The following RNLS variants were observed in gnomAD, a reference collection of about 807,000 sequenced individuals.
The protein encoded by RNLS is renalase, FAD dependent amine oxidase.
In RNLS, 39 loss-of-function variants were observed where a neutral mutation model predicts 39.8. The observed-to-expected ratio is 0.98, with a 90% confidence interval of 0.76 to 1.28. RNLS has a LOEUF of 1.28. Ranked by LOEUF, RNLS falls within the 50% of genes most tolerant of loss-of-function variation. The probability of loss-of-function intolerance (pLI) is 0.00; values close to 1 mark genes in which losing one functional copy is unlikely to be tolerated. For synonymous variants in RNLS, 147 were observed against 150.7 expected (o/e 0.98, Z 0.18); for missense variants, 410 against 413.3 (o/e 0.99, Z 0.07).
At chr10:88,291,905 C>T (rs1251866855) in intron 6 of RNLS, among the ~76,000 whole-genome samples, 2 of 152,078 alleles carry the variant, frequency 1.3e-5, no homozygotes, top group Non-Finnish European at 2.9e-5. Context: ...CACACAGGTG[C>T]TTTGGCTGCT....
At chr10:88,506,784 A>G (rs1408501188) in intron 4 of RNLS, among the ~76,000 whole-genome samples, 2 of 152,234 alleles carry the variant, frequency 1.3e-5, no homozygotes, top group South Asian at 4.1e-4. Context: ...TAAAAAACCA[A>G]AAAGTCAGAA....
At chr10:88,363,491 C>A (rs1849798083) in intron 4 of RNLS, among the ~76,000 whole-genome samples, 1 of 152,024 alleles carries the variant, frequency 6.6e-6, no homozygotes, top group Non-Finnish European at 1.5e-5. Context: ...ATTTGTTTGC[C>A]TGTCATTTTT....
In RNLS at chr10:88,284,182, C is replaced by T. The variant is rs1843123698; in HGVS notation, c.*1172G>A. 1 of 985,250 alleles carries T rather than the reference C, an allele frequency of 1.0e-6. No individual in the cohort carries two copies. The highest frequency in any genetic ancestry group is 4.7e-5 in the South Asian group (1 of 21,272). 61.0% of individuals were successfully genotyped at this position (985,250 alleles called of 1,614,324 possible). On this transcript the variant is annotated 3_prime_UTR_variant, in exon 7 of 7. Coordinates refer to ENST00000331772, the MANE Select transcript of RNLS (RefSeq NM_001031709.3). Reference sequence around the variant, plus strand: ...CTATAGGGTCATAAAACCCACTTTGCAGCTATAGAAGCAAGTTCTGCCTGT... The same window carrying T: ...CTATAGGGTCATAAAACCCACTTTGTAGCTATAGAAGCAAGTTCTGCCTGT...
chr10:88,335,411 G>T (rs1847416524), intron 5 of RNLS, among the ~76,000 whole-genome samples: 1 of 151,676 alleles, frequency 6.6e-6, no homozygotes, highest in Admixed American at 6.6e-5. Context: ...TAGAGATGGG[G>T]GTCTTGCTCT....
chr10:88,470,366 T>G (rs1274589910), intron 4 of RNLS, among the ~76,000 whole-genome samples: 3 of 152,148 alleles, frequency 2.0e-5, no homozygotes, highest in Admixed American at 1.3e-4. Flanking sequence ...TCAACCTAAA[T>G]GCCCATCAAT....
At chr10:88,385,512 G>A (rs1243074376) in intron 4 of RNLS, among the ~76,000 whole-genome samples, 1 of 152,174 alleles carries the variant, frequency 6.6e-6, no homozygotes, top group Non-Finnish European at 1.5e-5. Context: ...GAATAGCCAA[G>A]GCACAGAATT....
At chr10:88,552,373 A>G (rs922331667) in intron 4 of RNLS, among the ~76,000 whole-genome samples, 1 of 152,196 alleles carries the variant, frequency 6.6e-6, no homozygotes, top group African/African-American at 2.4e-5. Context: ...AGGTCTCATT[A>G]AAGGATGGAA....
intron 4 of RNLS, among the ~76,000 whole-genome samples, chr10:88,472,217 AAGG>A (rs1241946220): frequency 1.3e-5 from 2 of 152,164 alleles, no homozygotes; most frequent in Non-Finnish European, 2.9e-5. Flanking sequence ...AAGCAGTGAG[AAGG>A]AGGTGTATAA....
At chr10:88,397,247 G>C (rs1323926358) in intron 4 of RNLS, among the ~76,000 whole-genome samples, 1 of 151,738 alleles carries the variant, frequency 6.6e-6, no homozygotes, top group African/African-American at 2.4e-5. Context: ...AAATTTAAAA[G>C]AATTAAAATG....
intron 4 of RNLS, among the ~76,000 whole-genome samples, chr10:88,392,943 T>C (rs1852298971): frequency 6.6e-6 from 1 of 152,180 alleles, no homozygotes; most frequent in South Asian, 2.1e-4. Flanking sequence ...AACCACATGA[T>C]TATCTCAATA....
intron 4 of RNLS, among the ~76,000 whole-genome samples, chr10:88,554,083 T>C (rs1250682216): frequency 6.6e-6 from 1 of 151,986 alleles, no homozygotes; most frequent in Non-Finnish European, 1.5e-5. Context: ...CAGTTTTACA[T>C]ACTTCGCCCA....
intron 5 of RNLS, among the ~76,000 whole-genome samples, chr10:88,353,742 C>G (rs1475825374): frequency 6.6e-6 from 1 of 152,174 alleles, no homozygotes; most frequent in Non-Finnish European, 1.5e-5. Context: ...GGGTGCAGAT[C>G]TGAATTCAAT....
chr10:88,419,854 C>CA (rs982081526), intron 4 of RNLS, among the ~76,000 whole-genome samples: 5 of 151,558 alleles, frequency 3.3e-5, no homozygotes, highest in African/African-American at 9.7e-5. Flanking sequence ...AAAAAAAGTA[C>CA]AAAAAATTAG....
chr10:88,301,026 G>A (rs1052986793), intron 6 of RNLS, among the ~76,000 whole-genome samples: 16 of 152,242 alleles, frequency 1.1e-4, no homozygotes, highest in Non-Finnish European at 5.9e-5. Flanking sequence ...CAGTGCCAAT[G>A]ACACAGACTC....
At chr10:88,355,457 G>C (rs1269321904) in intron 5 of RNLS, among the ~76,000 whole-genome samples, 1 of 152,188 alleles carries the variant, frequency 6.6e-6, no homozygotes, top group Non-Finnish European at 1.5e-5. Context: ...CTGCAGGTCT[G>C]TTGGAGTTTT....
chr10:88,187,149 TATATATATA>T, the RNLS span, among the ~76,000 whole-genome samples: 7 of 136,672 alleles, frequency 5.1e-5, 1 homozygote, highest in South Asian at 4.5e-4. Context: ...TCAAAAAATA[TATATATATA>T]ATATATATAA....
chr10:88,545,031 T>C (rs1350679867), intron 4 of RNLS, among the ~76,000 whole-genome samples: 1 of 152,166 alleles, frequency 6.6e-6, no homozygotes, highest in Non-Finnish European at 1.5e-5. Context: ...CAGGGTGTGT[T>C]ATCCTGGATA....
At chr10:88,229,610 A>G in the RNLS span, among the ~76,000 whole-genome samples, 2 of 152,164 alleles carry the variant, frequency 1.3e-5, no homozygotes, top group African/African-American at 4.8e-5. Context: ...ACCACAATAA[A>G]TTTTATAACA....
At chr10:88,396,930 T>C (rs564584869) in intron 4 of RNLS, among the ~76,000 whole-genome samples, 3 of 151,896 alleles carry the variant, frequency 2.0e-5, no homozygotes, top group South Asian at 4.2e-4. Context: ...TAAGAAAATA[T>C]AACAATAATA....
Sources: allele counts gnomAD v4.1 joint callset (sites outside exome capture counted in the v4.1 genomes callset), GRCh38; gene constraint gnomAD v4.1.1; transcripts MANE v1.5; gene names NCBI Gene and HGNC (gene_info 2026-07-23, HGNC 2026-07-21).